NELL1: variants seen among roughly 807,000 people sequenced by gnomAD.
The protein encoded by NELL1 is neural EGFL like 1.
In NELL1, 76 loss-of-function variants were observed where a neutral mutation model predicts 107.4. The ratio of observed to expected loss-of-function variants is 0.71; its 90% CI spans 0.59 to 0.86. The LOEUF is 0.86. Among genes scored for constraint, NELL1 ranks in the 40% least tolerant of loss-of-function variants. The pLI is 0.00. For missense variants in NELL1, 1,024 were observed against 1,005.5 expected, an observed-to-expected ratio of 1.02 and a Z score of -0.25; for synonymous variants, 353 against 341.2, an observed-to-expected ratio of 1.03 and a Z score of -0.38.
intron 3 of NELL1, among the ~76,000 whole-genome samples, chr11:20,828,551 C>T (rs901619709): frequency 3.9e-5 from 6 of 152,108 alleles, no homozygotes; most frequent in Non-Finnish European, 5.9e-5. Context: ...TGTTTGGGAT[C>T]GCTGCAGGTA....
chr11:21,282,131 A>T (rs1023154961), intron 14 of NELL1, among the ~76,000 whole-genome samples: 1 of 152,186 alleles, frequency 6.6e-6, no homozygotes, highest in Non-Finnish European at 1.5e-5. Flanking sequence ...ATATATAAGG[A>T]TCTCAAACAA....
At chr11:21,062,890 C>T (rs956100407) in intron 12 of NELL1, among the ~76,000 whole-genome samples, 2 of 152,080 alleles carry the variant, frequency 1.3e-5, no homozygotes, top group African/African-American at 4.8e-5. Flanking sequence ...TGCATTGGCA[C>T]AATCTCAGCT....
intron 15 of NELL1, among the ~76,000 whole-genome samples, chr11:21,532,817 G>C (rs61602626): frequency 0.2 from 30,991 of 152,032 alleles, 4,138 homozygotes; most frequent in African/African-American, 0.37. Context: ...TGGGCTGATT[G>C]TGTTATTTAG....
intron 13 of NELL1, among the ~76,000 whole-genome samples, chr11:21,183,203 G>A (rs980785084): frequency 7.9e-5 from 12 of 151,796 alleles, no homozygotes; most frequent in Admixed American, 3.3e-4. Flanking sequence ...AATCTTATAC[G>A]TTTTTTATGA....
At chr11:21,284,349 G>A (rs988182614) in intron 14 of NELL1, 1 of 457,224 alleles carries the variant, frequency 2.2e-6, no homozygotes, top group Non-Finnish European at 4.4e-6. Flanking sequence ...GTGACAGAGA[G>A]CCTAAAGATC....
chr11:20,670,243 C>G (rs1028284759), intron 1 of NELL1, among the ~76,000 whole-genome samples: 2 of 152,110 alleles, frequency 1.3e-5, no homozygotes, highest in African/African-American at 4.8e-5. Context: ...GGCCGGGGCC[C>G]GGGAGGGCGC....
At chr11:21,533,784 CA>C (rs1340194339) in intron 15 of NELL1, among the ~76,000 whole-genome samples, 1 of 152,120 alleles carries the variant, frequency 6.6e-6, no homozygotes, top group African/African-American at 2.4e-5. Context: ...GTGTTCCCCA[CA>C]ACACTAGTTT....
chr11:21,309,746 A>G (rs1849707781), intron 14 of NELL1, among the ~76,000 whole-genome samples: 2 of 151,988 alleles, frequency 1.3e-5, no homozygotes, highest in Admixed American at 1.3e-4. Flanking sequence ...GCGTCAGGCA[A>G]AGAGAGAGCT....
intron 14 of NELL1, among the ~76,000 whole-genome samples, chr11:21,368,776 A>G (rs1851291698): frequency 6.6e-6 from 1 of 152,114 alleles, no homozygotes; most frequent in South Asian, 2.1e-4. Context: ...TGGATATTAG[A>G]CAATTTGTTC....
chr11:21,536,827 C>G (rs1205975534), intron 16 of NELL1, among the ~76,000 whole-genome samples: 1 of 152,160 alleles, frequency 6.6e-6, no homozygotes, highest in African/African-American at 2.4e-5. Context: ...GTTTATGCCT[C>G]TTGTTTCAAT....
At chr11:21,255,178 C>A (rs78564756) in intron 14 of NELL1, among the ~76,000 whole-genome samples, 25 of 152,180 alleles carry the variant, frequency 1.6e-4, no homozygotes, top group Non-Finnish European at 3.1e-4. Flanking sequence ...CATCTTCCCC[C>A]CCGGAGGTTA....
chr11:20,952,452 T>C (rs186546428), intron 11 of NELL1, among the ~76,000 whole-genome samples: 40 of 152,252 alleles, frequency 2.6e-4, no homozygotes, highest in African/African-American at 9.1e-4. Flanking sequence ...TTCCTCATTG[T>C]TTTGGGTGAA....
rs964998741 is a variant in NELL1, at chr11:20,968,300, G to A, written c.1300+7740G>A. Among the ~76,000 whole-genome samples the A allele has an allele frequency of 6.6e-5, 10 of 152,124 alleles. 1 individual carries two copies. In the South Asian group the frequency reaches 1.7e-3, roughly 25 times the overall value. On this transcript the variant is annotated intron_variant, in intron 12 of 19. Transcript: ENST00000357134. ...AATTTTATTTTATTCACTATCTCTA[G>A]CACCTAAAATAGTGCATGGTACATT...
chr11:21,121,661 G>A (rs1273932973), intron 13 of NELL1, among the ~76,000 whole-genome samples: 3 of 152,070 alleles, frequency 2.0e-5, no homozygotes, highest in Non-Finnish European at 4.4e-5. Context: ...AAGAATAGGA[G>A]CTCACAACCA....
At chr11:21,024,018 G>C (rs1230146451) in intron 12 of NELL1, among the ~76,000 whole-genome samples, 1 of 151,906 alleles carries the variant, frequency 6.6e-6, no homozygotes, top group Non-Finnish European at 1.5e-5. Flanking sequence ...CCTTTTGTAA[G>C]AAAGCTTCTT....
intron 14 of NELL1, among the ~76,000 whole-genome samples, chr11:21,229,718 A>C (rs1006976575): frequency 6.6e-6 from 1 of 152,174 alleles, no homozygotes; most frequent in Admixed American, 6.5e-5. Context: ...GCCTGTTGGC[A>C]TGAGTTTGTG....
chr11:21,177,512 T>C, intron 13 of NELL1, among the ~76,000 whole-genome samples: 1 of 151,878 alleles, frequency 6.6e-6, no homozygotes. Flanking sequence ...AGTCGTCTGT[T>C]GATGGGCACC....
chr11:20,851,811 C>T (rs560738259), intron 4 of NELL1, among the ~76,000 whole-genome samples: 6 of 152,326 alleles, frequency 3.9e-5, no homozygotes, highest in Non-Finnish European at 7.3e-5. Flanking sequence ...ATTTTAACTT[C>T]GTTCTGAAAC....
intron 12 of NELL1, among the ~76,000 whole-genome samples, chr11:21,015,839 A>G (rs1852552038): frequency 1.3e-5 from 2 of 152,204 alleles, no homozygotes; most frequent in African/African-American, 2.4e-5. Flanking sequence ...AACACAGTAT[A>G]TGCTCCATTC....
Sources: allele counts gnomAD v4.1 joint callset (sites outside exome capture counted in the v4.1 genomes callset), GRCh38; gene constraint gnomAD v4.1.1; transcripts MANE v1.5; gene names NCBI Gene and HGNC (gene_info 2026-07-23, HGNC 2026-07-21).